CD2AP: variants seen among roughly 807,000 people sequenced by gnomAD.
CD2AP encodes CD2 associated protein, also known as CD2-associated protein.
Under a neutral mutation model 85.1 loss-of-function variants are expected in CD2AP, and 46 were observed. The observed-to-expected ratio is 0.54, with a 90% CI of 0.43 to 0.69. CD2AP has a LOEUF of 0.69. Among genes scored for constraint, CD2AP ranks in the 30% least tolerant of loss-of-function variants. The pLI, the probability that CD2AP is intolerant of heterozygous loss-of-function variation, is 0.00. For missense variants in CD2AP, 769 were observed against 729.5 expected (o/e 1.05, Z -0.62); for synonymous variants, 255 against 252.9 (o/e 1.01, Z -0.08).
chr6:47,532,366 T>C (rs938519668), intron 2 of CD2AP, among the ~76,000 whole-genome samples: 2 of 135,822 alleles, frequency 1.5e-5, no homozygotes, highest in African/African-American at 5.8e-5. Context: ...AAAGTATATA[T>C]ATATATGTAT....
rs962007867 is a variant in CD2AP, at chr6:47,498,414, G to T, written c.5-4866G>T. On this transcript the variant is annotated intron_variant, in intron 1 of 17. Transcript: ENST00000359314. Reference sequence around the variant, plus strand: ...ATGAAATTGCACCGAATATGAATACGTTTTAAAATTTGTTCATTTCATTGG... The same window carrying T: ...ATGAAATTGCACCGAATATGAATACTTTTTAAAATTTGTTCATTTCATTGG... Among the ~76,000 whole-genome samples, 6 of 152,100 alleles carry T rather than the reference G, an allele frequency of 3.9e-5. No homozygotes were observed. The East Asian group carries it at 9.6e-4, about 24-fold the overall frequency.
intron 6 of CD2AP, among the ~76,000 whole-genome samples, chr6:47,574,853 G>C (rs1768262002): frequency 6.6e-6 from 1 of 152,030 alleles, no homozygotes; most frequent in Admixed American, 6.6e-5. Flanking sequence ...ACCTTAAGCT[G>C]TTAATTTGGT....
chr6:47,612,556 A>G lies in CD2AP; in HGVS notation c.1878+20A>G. The G allele has an allele frequency of 1.3e-6, 2 of 1,561,862 alleles. No individual in the cohort carries two copies. Among genetic ancestry groups the G allele is most frequent in the Non-Finnish European group, 1.8e-6 (2 of 1,133,594 alleles). On this transcript the variant is annotated intron_variant, in intron 17 of 17. Coordinates refer to ENST00000359314, the MANE Select transcript of CD2AP (RefSeq NM_012120.3). ...CTAGAGGTAATTAATTTCTTCCAGC[A>G]TTGAGAGTTTAGTGAGCATAAACTG...
At chr6:47,533,456 A>G in intron 2 of CD2AP, 146 bp from the exon 3 acceptor site, 1 of 735,230 alleles carries the variant, frequency 1.4e-6, no homozygotes, top group Non-Finnish European at 2.2e-6. Context: ...TTCTTCAGAT[A>G]TGTTTGAGCA....
chr6:47,581,900 C>T lies in CD2AP; in HGVS notation c.1046-103C>T, dbSNP rs1582587153. On this transcript the variant is annotated intron_variant, in intron 10 of 17. Transcript: ENST00000359314. ...TGTTCTTTCTATTAAACCATGGTTT[C>T]ATCTGATGTTATTTTTCAACTCATC... 5.9e-5 allele frequency: 46 copies of T among 785,686 alleles called. No homozygotes were observed. The East Asian group carries it at 1.1e-3, about 19-fold the overall frequency. 48.7% of individuals were successfully genotyped at this position (785,686 alleles called of 1,614,324 possible).
rs878965199 is a variant in CD2AP at position 47,625,776 on chromosome 6, A to G, written c.*1549A>G. 6.6e-5 allele frequency: 10 copies of G among 151,956 alleles called. No individual in the cohort carries two copies. In the South Asian group the frequency reaches 1.7e-3, roughly 25 times the overall value. 9.4% of individuals were successfully genotyped at this position (151,956 alleles called of 1,614,324 possible). ...AAGAGAACTGAAGTAGAAAATAGAA[A>G]TGCCAGTAAACAACATAATGTTTAA... is the stretch of plus-strand genomic sequence containing the variant. On this transcript the variant is annotated 3_prime_UTR_variant, in exon 18 of 18. Transcript: ENST00000359314.
chr6:47,505,380 G>C (rs1349338734), intron 2 of CD2AP, among the ~76,000 whole-genome samples: 1 of 149,698 alleles, frequency 6.7e-6, no homozygotes, highest in African/African-American at 2.5e-5. Context: ...CAAGACAGAG[G>C]AATTTTTCTT....
chr6:47,604,123 G>A (rs906854451), intron 13 of CD2AP, among the ~76,000 whole-genome samples: 4 of 151,974 alleles, frequency 2.6e-5, no homozygotes, highest in African/African-American at 4.8e-5. Flanking sequence ...AATTTTATGT[G>A]TTCCTAGCAA....
intron 12 of CD2AP, 84 bp downstream of exon 12, chr6:47,596,110 G>T (rs1252203585): frequency 3.3e-5 from 32 of 968,884 alleles, no homozygotes; most frequent in Middle Eastern, 2.1e-4. Flanking sequence ...AAATCTCCAG[G>T]TATGTTTTTT....
intron 4 of CD2AP, among the ~76,000 whole-genome samples, 181 bp from the exon 5 acceptor site, chr6:47,554,465 G>A (rs1349239010): frequency 6.6e-6 from 1 of 152,120 alleles, no homozygotes; most frequent in Non-Finnish European, 1.5e-5. Context: ...CCATATATGA[G>A]TAATACACTA....
chr6:47,539,264 A>T (rs1412176626), intron 3 of CD2AP, among the ~76,000 whole-genome samples: 1 of 152,230 alleles, frequency 6.6e-6, no homozygotes, highest in Non-Finnish European at 1.5e-5. Flanking sequence ...TCAGAACTGT[A>T]TGAGAGACAT....
intron 5 of CD2AP, among the ~76,000 whole-genome samples, chr6:47,572,153 A>G (rs1241315240): frequency 6.6e-6 from 1 of 152,214 alleles, no homozygotes; most frequent in East Asian, 1.9e-4. Context: ...CTGACTGGAA[A>G]TAACTGTTGT....
At chr6:47,481,087 G>A (rs1238079814) in intron 1 of CD2AP, among the ~76,000 whole-genome samples, 2 of 152,136 alleles carry the variant, frequency 1.3e-5, no homozygotes, top group Non-Finnish European at 2.9e-5. Flanking sequence ...AGACAGATAG[G>A]CAGTGCTTAT....
At chr6:47,482,425 C>T (rs1486031344) in intron 1 of CD2AP, among the ~76,000 whole-genome samples, 1 of 148,184 alleles carries the variant, frequency 6.7e-6, no homozygotes, top group Non-Finnish European at 1.5e-5. Flanking sequence ...GTCGCCCAGG[C>T]TGGAGTGCAG....
intron 5 of CD2AP, among the ~76,000 whole-genome samples, chr6:47,566,957 A>G (rs1483340835): frequency 6.6e-6 from 1 of 152,206 alleles, no homozygotes; most frequent in Non-Finnish European, 1.5e-5. Context: ...TTATAGTAGA[A>G]TAAATCCTCT....
At chr6:47,615,787 A>ATTT (rs1769563440) in intron 17 of CD2AP, among the ~76,000 whole-genome samples, 2 of 94,582 alleles carry the variant, frequency 2.1e-5, no homozygotes, top group Non-Finnish European at 4.7e-5. Context: ...ATTTTAATTT[A>ATTT]ATTTAATTTA....
At chr6:47,618,351 A>T (rs936613707) in intron 17 of CD2AP, among the ~76,000 whole-genome samples, 8 of 152,042 alleles carry the variant, frequency 5.3e-5, no homozygotes, top group African/African-American at 1.9e-4. Context: ...AATTTGCAAG[A>T]CTTGTAGTTT....
In CD2AP at chr6:47,609,535, A is replaced by G. The variant is rs13200694; in HGVS notation, c.1814+231A>G. ...TTGCAAAAAAAAAAAAAAAAAAGAA[A>G]AGAAAAGAAAAGAAAAAGCCAGGCT... is the stretch of plus-strand genomic sequence containing the variant. On this transcript the variant is annotated intron_variant, in intron 16 of 17. Coordinates refer to ENST00000359314, the MANE Select transcript of CD2AP (RefSeq NM_012120.3). 69,906 of 342,098 alleles carry G rather than the reference A, an allele frequency of 0.2. 11,360 individuals carry two copies. Among genetic ancestry groups the G allele is most frequent in the East Asian group, 0.56 (7,545 of 13,422 alleles). 21.2% of individuals were successfully genotyped at this position (342,098 alleles called of 1,614,324 possible).
chr6:47,520,339 A>G (rs1766553838), intron 2 of CD2AP, among the ~76,000 whole-genome samples: 1 of 152,216 alleles, frequency 6.6e-6, no homozygotes, highest in Non-Finnish European at 1.5e-5. Context: ...ATTTTCCTAA[A>G]GAGGAAATCT....
Sources: allele counts gnomAD v4.1 joint callset (sites outside exome capture counted in the v4.1 genomes callset), GRCh38; gene constraint gnomAD v4.1.1; transcripts MANE v1.5; gene names NCBI Gene and HGNC (gene_info 2026-07-23, HGNC 2026-07-21).